Variants in SGMS1 observed in about 807,000 individuals in gnomAD.
The protein encoded by SGMS1 is sphingomyelin synthase 1, also known as phosphatidylcholine:ceramide cholinephosphotransferase 1.
SGMS1 carries 13 observed loss-of-function variants against 46.2 expected under a neutral mutation model. The ratio of observed to expected loss-of-function variants is 0.28; its 90% CI spans 0.18 to 0.45. The LOEUF is 0.45. Ranked by LOEUF, SGMS1 falls within the 20% of genes least tolerant of loss-of-function variation. The pLI is 1.00. For synonymous variants in SGMS1, 203 were observed against 187.8 expected, an observed-to-expected ratio of 1.08 and a Z score of -0.66; for missense variants, 324 against 519.9, an observed-to-expected ratio of 0.62 and a Z score of 3.66.
chr10:50,367,882 G>A (rs1052966528), intron 6 of SGMS1, among the ~76,000 whole-genome samples: 1 of 152,128 alleles, frequency 6.6e-6, no homozygotes, highest in African/African-American at 2.4e-5. Flanking sequence ...GTCACCACTG[G>A]ATCACAGGAT....
intron 7 of SGMS1, among the ~76,000 whole-genome samples, chr10:50,337,827 A>G (rs1195199621): frequency 6.6e-6 from 1 of 151,414 alleles, no homozygotes; most frequent in Non-Finnish European, 1.5e-5. Context: ...GCTGATACCC[A>G]CTTAACAAAT....
chr10:50,386,067 C>T (rs764981654), intron 6 of SGMS1, among the ~76,000 whole-genome samples: 7 of 152,074 alleles, frequency 4.6e-5, no homozygotes, highest in African/African-American at 1.7e-4. Context: ...TTCTGCGATG[C>T]CTAACACATG....
At chr10:50,521,349 C>A (rs1218725964) in intron 2 of SGMS1, among the ~76,000 whole-genome samples, 1 of 152,078 alleles carries the variant, frequency 6.6e-6, no homozygotes, top group Non-Finnish European at 1.5e-5. Context: ...GAGATAAGTG[C>A]AATACAACAC....
At position 50,578,274 on chromosome 10, in the gene SGMS1, A is replaced by G. The variant is rs917596280; in HGVS notation, c.-589+11879T>C. 2.4e-4 allele frequency among the ~76,000 whole-genome samples: 36 copies of G among 152,184 alleles called. 1 individual carries two copies. The highest frequency in any genetic ancestry group is 8.7e-4 in the African/African-American group (36 of 41,472). On this transcript the variant is annotated intron_variant, in intron 2 of 10. Coordinates refer to ENST00000361781, the MANE Select transcript of SGMS1 (RefSeq NM_147156.4). ...CGCTCCCTTTGCGGTATTTATGTCC[A>G]GTCTCTTTAGCCTGCGGGAATGCCC...
intron 6 of SGMS1, among the ~76,000 whole-genome samples, chr10:50,415,493 GA>G (rs1291711431): frequency 6.6e-6 from 1 of 152,130 alleles, no homozygotes; most frequent in Non-Finnish European, 1.5e-5. Context: ...ACATGCTCAA[GA>G]ATTCAGGTCA....
At chr10:50,573,183 A>C (rs1202567634) in intron 2 of SGMS1, among the ~76,000 whole-genome samples, 1 of 152,202 alleles carries the variant, frequency 6.6e-6, no homozygotes, top group African/African-American at 2.4e-5. Flanking sequence ...AATACACAAG[A>C]ATGCCCCACA....
intron 1 of SGMS1, among the ~76,000 whole-genome samples, chr10:50,599,397 C>G (rs1838627474): frequency 6.6e-6 from 1 of 152,070 alleles, no homozygotes; most frequent in African/African-American, 2.4e-5. Context: ...TGCAACAGCC[C>G]ACTTCAGAGG....
rs1838832511 is a variant in SGMS1 at position 50,619,809 on chromosome 10, T to C, written c.-684+3898A>G. ...GAGGGGAATCTTTCTCAATACAAGC[T>C]TGGGGTGATTTCAGGCCCCCAAAAT... On this transcript the variant is annotated intron_variant, in intron 1 of 10. Transcript: ENST00000361781. 3.9e-5 allele frequency among the ~76,000 whole-genome samples: 6 copies of C among 152,346 alleles called. No individual in the cohort carries two copies. The South Asian group carries it at 1.2e-3, about 32-fold the overall frequency.
chr10:50,538,939 T>C lies in SGMS1; in HGVS notation c.-588-19018A>G, dbSNP rs114961298. Among the ~76,000 whole-genome samples, 1,191 of 152,332 alleles carry C rather than the reference T, an allele frequency of 7.8e-3. 19 individuals carry two copies. Among genetic ancestry groups the C allele is most frequent in the African/African-American group, 0.027 (1,141 of 41,584 alleles). On this transcript the variant is annotated intron_variant, in intron 2 of 10. Coordinates refer to ENST00000361781, the MANE Select transcript of SGMS1 (RefSeq NM_147156.4). Reference sequence around the variant, plus strand: ...CATCAACACCCTGGATTTCCCCTACTTAAGCTGATTACATGAACTAATACA... The same window carrying C: ...CATCAACACCCTGGATTTCCCCTACCTAAGCTGATTACATGAACTAATACA...
chr10:50,560,110 ATATATTACATT>A (rs1413874078), intron 2 of SGMS1, among the ~76,000 whole-genome samples: 1 of 147,156 alleles, frequency 6.8e-6, no homozygotes, highest in Non-Finnish European at 1.5e-5. Flanking sequence ...AGATTATATA[ATATATTACATT>A]ATAACACATA....
intron 4 of SGMS1, among the ~76,000 whole-genome samples, chr10:50,461,813 C>T (rs935090594): frequency 6.6e-6 from 1 of 152,134 alleles, no homozygotes. Context: ...TCTCAATAGT[C>T]CCAAGGACTT....
chr10:50,604,269 G>A (rs528777542), intron 1 of SGMS1, among the ~76,000 whole-genome samples: 1 of 152,220 alleles, frequency 6.6e-6, no homozygotes, highest in East Asian at 1.9e-4. Context: ...TCCCCCACAT[G>A]AGCCTGCACG....
intron 6 of SGMS1, among the ~76,000 whole-genome samples, chr10:50,373,334 C>A (rs1349724018): frequency 6.6e-6 from 1 of 152,214 alleles, no homozygotes; most frequent in Non-Finnish European, 1.5e-5. Flanking sequence ...AGGTCCTACG[C>A]ACTAAAATAG....
At chr10:50,600,455 G>A (rs1838638876) in intron 1 of SGMS1, among the ~76,000 whole-genome samples, 1 of 152,206 alleles carries the variant, frequency 6.6e-6, no homozygotes, top group South Asian at 2.1e-4. Flanking sequence ...AAGCACTCAA[G>A]GAGAATGCAA....
intron 3 of SGMS1, among the ~76,000 whole-genome samples, chr10:50,485,581 A>G (rs931751888): frequency 7.2e-5 from 11 of 152,222 alleles, no homozygotes; most frequent in African/African-American, 2.7e-4. Flanking sequence ...AAGAGCCCAT[A>G]TAGCCAAGAC....
chr10:50,618,586 C>A (rs1417382549), intron 1 of SGMS1, among the ~76,000 whole-genome samples: 1 of 152,176 alleles, frequency 6.6e-6, no homozygotes, highest in Non-Finnish European at 1.5e-5. Context: ...TGAGATCCCA[C>A]TTTACAGCCA....
chr10:50,437,257 T>C (rs1345473579), intron 5 of SGMS1, among the ~76,000 whole-genome samples: 2 of 152,170 alleles, frequency 1.3e-5, no homozygotes, highest in Admixed American at 6.5e-5. Context: ...ACAAAAGGGC[T>C]TGGGGTGATA....
At chr10:50,352,666 C>T (rs1848042127) in intron 6 of SGMS1, among the ~76,000 whole-genome samples, 1 of 152,036 alleles carries the variant, frequency 6.6e-6, no homozygotes, top group Non-Finnish European at 1.5e-5. Context: ...AGACCAAGAC[C>T]CAAAATGCTT....
At chr10:50,436,316 C>T (rs537358159) in intron 5 of SGMS1, among the ~76,000 whole-genome samples, 1 of 152,134 alleles carries the variant, frequency 6.6e-6, no homozygotes, top group Admixed American at 6.5e-5. Flanking sequence ...ACCATGTTAG[C>T]CAGGATGGTC....
Sources: gnomAD v4.1 joint callset for allele counts (sites outside exome capture counted in the v4.1 genomes callset) on GRCh38, gnomAD v4.1.1 for gene constraint, MANE v1.5 for transcripts, NCBI Gene and HGNC (gene_info 2026-07-23, HGNC 2026-07-21) for gene names.